The following CDH12 variants were observed in gnomAD, a reference collection of about 807,000 sequenced individuals.
CDH12 encodes cadherin-12.
In CDH12, 41 loss-of-function variants were observed where a neutral mutation model predicts 74.1. The ratio of observed to expected loss-of-function variants is 0.55; its 90% CI spans 0.43 to 0.72. CDH12 has a LOEUF of 0.72. Among genes scored for constraint, CDH12 ranks in the 30% least tolerant of loss-of-function variants. CDH12 has a pLI of 0.00. For missense variants in CDH12, 945 were observed against 977.2 expected, an observed-to-expected ratio of 0.97 and a Z score of 0.44; for synonymous variants, 399 against 355.0, an observed-to-expected ratio of 1.12 and a Z score of -1.39.
chr5:22,093,125 T>C (rs547060916), intron 4 of CDH12, among the ~76,000 whole-genome samples: 19 of 152,286 alleles, frequency 1.2e-4, no homozygotes, highest in Middle Eastern at 6.8e-3. Context: ...CAGGTGTCTC[T>C]GGGTCAGAGA....
intron 1 of CDH12, among the ~76,000 whole-genome samples, chr5:22,629,819 G>C (rs1459770562): frequency 6.6e-6 from 1 of 151,908 alleles, no homozygotes; most frequent in Admixed American, 6.6e-5. Flanking sequence ...AGTCACACTA[G>C]CTGTGTCTGC....
At chr5:22,848,030 T>C (rs967330805) in intron 1 of CDH12, among the ~76,000 whole-genome samples, 2 of 152,242 alleles carry the variant, frequency 1.3e-5, no homozygotes, top group South Asian at 2.1e-4. Flanking sequence ...ATGAAAGGTG[T>C]GCACCACCAT....
chr5:22,697,393 A>T (rs1742427558), intron 1 of CDH12, among the ~76,000 whole-genome samples: 1 of 151,992 alleles, frequency 6.6e-6, no homozygotes. Flanking sequence ...AACACGGTGG[A>T]ACCCCGTCTC....
At chr5:22,097,545 A>G (rs939333502) in intron 4 of CDH12, among the ~76,000 whole-genome samples, 6 of 151,416 alleles carry the variant, frequency 4.0e-5, no homozygotes, top group African/African-American at 1.5e-4. Context: ...CTTAGACAAT[A>G]CTCTTTTAAG....
intron 3 of CDH12, among the ~76,000 whole-genome samples, chr5:22,279,751 C>T (rs1445806002): frequency 6.6e-6 from 1 of 152,064 alleles, no homozygotes; most frequent in Admixed American, 6.6e-5. Context: ...GTATATGTGT[C>T]ACATTTTCTT....
chr5:22,501,029 A>C (rs1336992622), intron 2 of CDH12, among the ~76,000 whole-genome samples: 1 of 152,112 alleles, frequency 6.6e-6, no homozygotes, highest in Non-Finnish European at 1.5e-5. Flanking sequence ...ATTGTGACCT[A>C]TCACAAAAAA....
At chr5:22,611,969 G>T (rs1178731280) in intron 1 of CDH12, among the ~76,000 whole-genome samples, 1 of 152,070 alleles carries the variant, frequency 6.6e-6, no homozygotes, top group Non-Finnish European at 1.5e-5. Flanking sequence ...TCAAAATAGG[G>T]AATTTGATTT....
In CDH12 at chr5:22,151,239, ACT is replaced by A. The variant is rs559781180; in HGVS notation, c.-187+61257_-187+61258del. ...CAAATACATGCAGCCTGATACTGAA[ACT>A]CTGTTTGTGAACACTTTATTGCCTT... On this transcript the variant is annotated intron_variant, in intron 4 of 14. Transcript: ENST00000382254. Among the ~76,000 whole-genome samples, 357 of 151,886 alleles carry A rather than the reference ACT, an allele frequency of 2.4e-3. 2 individuals carry two copies. The highest frequency in any genetic ancestry group is 4.8e-3 in the Admixed American group (73 of 15,242).
intron 2 of CDH12, among the ~76,000 whole-genome samples, chr5:22,459,513 G>C (rs1745417300): frequency 6.6e-6 from 1 of 152,154 alleles, no homozygotes; most frequent in African/African-American, 2.4e-5. Flanking sequence ...GGAGCTCTTA[G>C]TGAAGTTAGT....
chr5:22,365,269 C>A (rs1740981410), intron 3 of CDH12, among the ~76,000 whole-genome samples: 2 of 152,148 alleles, frequency 1.3e-5, no homozygotes, highest in South Asian at 4.1e-4. Flanking sequence ...GTATAAGCAG[C>A]TTTTCAAATA....
At chr5:22,700,019 A>T (rs1482019119) in intron 1 of CDH12, among the ~76,000 whole-genome samples, 1 of 152,154 alleles carries the variant, frequency 6.6e-6, no homozygotes, top group African/African-American at 2.4e-5. Flanking sequence ...TACAAAAATT[A>T]GCTGCATATG....
intron 3 of CDH12, among the ~76,000 whole-genome samples, chr5:22,385,093 G>A (rs935027003): frequency 6.6e-6 from 1 of 152,066 alleles, no homozygotes; most frequent in African/African-American, 2.4e-5. Context: ...AAAATTAAAT[G>A]TATTGGGTTA....
chr5:21,850,670 G>A (rs190355144), intron 7 of CDH12, among the ~76,000 whole-genome samples: 73 of 151,546 alleles, frequency 4.8e-4, no homozygotes, highest in Non-Finnish European at 6.8e-4. Flanking sequence ...ATGAAAGGTC[G>A]ATAGACTCAA....
chr5:21,804,291 G>A (rs1747302621), intron 9 of CDH12, among the ~76,000 whole-genome samples: 1 of 151,976 alleles, frequency 6.6e-6, no homozygotes, highest in Non-Finnish European at 1.5e-5. Context: ...TAGAAGTGTA[G>A]TATCTGAAAA....
At chr5:22,793,401 T>C (rs1346570696) in intron 1 of CDH12, among the ~76,000 whole-genome samples, 9 of 152,240 alleles carry the variant, frequency 5.9e-5, no homozygotes. Flanking sequence ...AACTACTTTA[T>C]AGTTTTCAAG....
At chr5:22,564,647 T>C (rs912570807) in intron 1 of CDH12, among the ~76,000 whole-genome samples, 24 of 152,216 alleles carry the variant, frequency 1.6e-4, no homozygotes, top group African/African-American at 5.5e-4. Context: ...GATTTTTGAT[T>C]TGTTTTCTAT....
intron 4 of CDH12, among the ~76,000 whole-genome samples, chr5:22,136,225 G>A (rs1746453047): frequency 6.6e-6 from 1 of 151,938 alleles, no homozygotes; most frequent in Admixed American, 6.6e-5. Context: ...CAACCAGAAG[G>A]TAAGAAGTCA....
intron 1 of CDH12, among the ~76,000 whole-genome samples, chr5:22,760,122 T>A (rs1389344178): frequency 6.6e-6 from 1 of 152,212 alleles, no homozygotes; most frequent in Non-Finnish European, 1.5e-5. Context: ...AACCATTGCA[T>A]CCTTTGTAGC....
chr5:21,949,913 A>G (rs1319806058), intron 6 of CDH12, among the ~76,000 whole-genome samples: 1 of 152,204 alleles, frequency 6.6e-6, no homozygotes, highest in Non-Finnish European at 1.5e-5. Context: ...CAAATTTTAT[A>G]AATTCAGTGT....
Sources: allele counts gnomAD v4.1 joint callset (sites outside exome capture counted in the v4.1 genomes callset), GRCh38; gene constraint gnomAD v4.1.1; transcripts MANE v1.5; gene names NCBI Gene and HGNC (gene_info 2026-07-23, HGNC 2026-07-21).